MTHFD1L: variants seen among roughly 807,000 people sequenced by gnomAD.
MTHFD1L encodes the protein methylenetetrahydrofolate dehydrogenase (NADP+ dependent) 1 like, also known as monofunctional C1-tetrahydrofolate synthase, mitochondrial.
Under a neutral mutation model 119.5 loss-of-function variants are expected in MTHFD1L, and 81 were observed. That is an observed-to-expected ratio of 0.68 (90% CI 0.57 to 0.82). The LOEUF (loss-of-function observed/expected upper bound fraction) is 0.82. Ranked by LOEUF, MTHFD1L falls within the 40% of genes least tolerant of loss-of-function variation. The pLI is 0.00. For missense variants in MTHFD1L, 1,125 were observed against 1,253.4 expected (o/e 0.90, Z 1.55); for synonymous variants, 430 against 475.2 (o/e 0.90, Z 1.24).
At chr6:151,020,058 C>T (rs1783731391) in intron 24 of MTHFD1L, among the ~76,000 whole-genome samples, 1 of 152,206 alleles carries the variant, frequency 6.6e-6, no homozygotes, top group African/African-American at 2.4e-5. Flanking sequence ...GACACTCTCC[C>T]ACCTTTGCTT....
chr6:151,061,690 A>G (rs951866962), intron 26 of MTHFD1L, among the ~76,000 whole-genome samples: 7 of 152,224 alleles, frequency 4.6e-5, no homozygotes, highest in African/African-American at 1.4e-4. Flanking sequence ...CTGTGCTATC[A>G]ATGAAAGTTT....
intron 18 of MTHFD1L, among the ~76,000 whole-genome samples, chr6:150,961,251 G>A (rs1173122108): frequency 2.6e-5 from 4 of 151,958 alleles, no homozygotes; most frequent in African/African-American, 4.8e-5. Context: ...ACGCCACCAC[G>A]CCCAGTTAAT....
intron 26 of MTHFD1L, among the ~76,000 whole-genome samples, chr6:151,086,419 C>T (rs1470183005): frequency 6.6e-6 from 1 of 152,190 alleles, no homozygotes; most frequent in Non-Finnish European, 1.5e-5. Flanking sequence ...CCGTCCCTCA[C>T]ATCCAAAGAA....
intron 7 of MTHFD1L, among the ~76,000 whole-genome samples, chr6:150,904,651 C>T (rs988259440): frequency 7.9e-5 from 12 of 152,176 alleles, no homozygotes; most frequent in African/African-American, 2.7e-4. Flanking sequence ...TCATCAGTTG[C>T]TCAGTAGGGC....
intron 11 of MTHFD1L, among the ~76,000 whole-genome samples, chr6:150,933,097 A>G (rs1791442694): frequency 6.6e-6 from 1 of 152,010 alleles, no homozygotes; most frequent in African/African-American, 2.4e-5. Flanking sequence ...CTACTTTGTG[A>G]TTTTCCCGAA....
chr6:150,919,348 T>C (rs936305477), intron 9 of MTHFD1L, among the ~76,000 whole-genome samples: 3 of 151,856 alleles, frequency 2.0e-5, no homozygotes, highest in Admixed American at 6.6e-5. Context: ...CTCAGCCTCC[T>C]GAGTAGCCGG....
At chr6:150,916,130 C>G (rs368393637) in intron 8 of MTHFD1L, among the ~76,000 whole-genome samples, 6 of 152,190 alleles carry the variant, frequency 3.9e-5, no homozygotes, top group East Asian at 1.9e-4. Context: ...CACCCTAATA[C>G]AGTTTAAGAA....
At chr6:151,005,351 T>A (rs1781236873) in intron 20 of MTHFD1L, among the ~76,000 whole-genome samples, 1 of 152,144 alleles carries the variant, frequency 6.6e-6, no homozygotes, top group Non-Finnish European at 1.5e-5. Context: ...ATGTTCTGTT[T>A]CCTTGGCAGC....
chr6:151,029,149 A>G (rs1391016511), intron 24 of MTHFD1L, among the ~76,000 whole-genome samples: 2 of 151,302 alleles, frequency 1.3e-5, no homozygotes, highest in Non-Finnish European at 2.9e-5. Context: ...GGCCAGACAC[A>G]GTGGCTCACA....
At chr6:151,080,426 C>G (rs1270390237) in intron 26 of MTHFD1L, among the ~76,000 whole-genome samples, 2 of 152,110 alleles carry the variant, frequency 1.3e-5, no homozygotes, top group African/African-American at 2.4e-5. Context: ...CAGGAGAGGG[C>G]AGAGGAGGAG....
intron 20 of MTHFD1L, among the ~76,000 whole-genome samples, chr6:150,992,739 T>C (rs568552367): frequency 6.6e-6 from 1 of 152,210 alleles, no homozygotes; most frequent in Non-Finnish European, 1.5e-5. Flanking sequence ...ATGGCTTTTG[T>C]TTGAGGCTGC....
At chr6:150,971,260 G>A (rs1797962580) in intron 19 of MTHFD1L, among the ~76,000 whole-genome samples, 1 of 151,924 alleles carries the variant, frequency 6.6e-6, no homozygotes. Flanking sequence ...GCAGTGGTGC[G>A]ATCTCAGCTC....
intron 1 of MTHFD1L, among the ~76,000 whole-genome samples, chr6:150,869,728 T>A (rs757775855): frequency 1.3e-5 from 2 of 151,948 alleles, no homozygotes; most frequent in African/African-American, 4.8e-5. Flanking sequence ...TCTCCGAGGA[T>A]TGGAGCAAAG....
chr6:151,061,536 A>C (rs73780400), intron 26 of MTHFD1L, among the ~76,000 whole-genome samples: 1,606 of 152,324 alleles, frequency 0.011, 34 homozygotes, highest in African/African-American at 0.036. Context: ...CCAAGTTCTC[A>C]GACTCAGGCC....
At chr6:150,866,074 C>T in intron 1 of MTHFD1L, 25 bp downstream of exon 1, 2 of 1,480,866 alleles carry the variant, frequency 1.4e-6, no homozygotes, top group Admixed American at 2.3e-5. Context: ...TGGCCCTGGC[C>T]CAGGTCTCCA....
chr6:151,071,675 G>C lies in MTHFD1L; in HGVS notation c.2848-20792G>C, dbSNP rs549131348. ...GGACTTGTTTTGTTTGGAAAAGGCA[G>C]ATAACGGAGCAGTAACTAAAGAATC... is the stretch of plus-strand genomic sequence containing the variant. On this transcript the variant is annotated intron_variant, in intron 26 of 27. Transcript: ENST00000367321. 3.3e-5 allele frequency among the ~76,000 whole-genome samples: 5 copies of C among 152,274 alleles called. No homozygotes were observed. In the East Asian group the frequency reaches 9.7e-4, roughly 29 times the overall value.
At position 151,092,597 on chromosome 6, in the gene MTHFD1L, T is replaced by C; in HGVS notation, c.*31+10T>C. ...ACAGGACCCGATGCAGGTAGGCTGA[T>C]GTGCTTCAACTTTTTCTCTCTTTGT... On this transcript the variant is annotated intron_variant, in intron 27 of 27. Coordinates refer to ENST00000367321, the MANE Select transcript of MTHFD1L (RefSeq NM_015440.5). 1 of 1,528,702 alleles carries C rather than the reference T, an allele frequency of 6.5e-7. No individual in the cohort carries two copies. Among genetic ancestry groups the C allele is most frequent in the Non-Finnish European group, 8.9e-7 (1 of 1,117,946 alleles). 94.7% of individuals were successfully genotyped at this position (1,528,702 alleles called of 1,614,324 possible). A position where few individuals can be genotyped will look rare whatever the true frequency, so the allele number is the denominator to read the frequency against.
At chr6:150,869,660 T>C (rs1379436229) in intron 1 of MTHFD1L, among the ~76,000 whole-genome samples, 1 of 150,988 alleles carries the variant, frequency 6.6e-6, no homozygotes, top group Non-Finnish European at 1.5e-5. Context: ...CCTGGCTATA[T>C]TGTACCTTTC....
chr6:150,876,450 C>T lies in MTHFD1L; in HGVS notation c.312+276C>T, dbSNP rs1013105883. ...ATGCATTGCATTACACAGGATATAT[C>T]GTGGTCCATGTGTCCTCACAAATGC... On this transcript the variant is annotated intron_variant, in intron 2 of 27. Transcript: ENST00000367321. 1.6e-4 allele frequency among the ~76,000 whole-genome samples: 25 copies of T among 152,276 alleles called. 1 individual carries two copies. Among genetic ancestry groups the T allele is most frequent in the Admixed American group, 1.4e-3 (21 of 15,296 alleles).
Sources: gnomAD v4.1 joint callset for allele counts (sites outside exome capture counted in the v4.1 genomes callset) on GRCh38, gnomAD v4.1.1 for gene constraint, MANE v1.5 for transcripts, NCBI Gene and HGNC (gene_info 2026-07-23, HGNC 2026-07-21) for gene names.